Variants in MIB1 observed in about 807,000 individuals in gnomAD.
MIB1 encodes the protein E3 ubiquitin-protein ligase MIB1.
MIB1 carries 278 observed loss-of-function variants against 124.5 expected under a neutral mutation model. That is an observed-to-expected ratio of 2.23 (90% CI 2.02 to 2.47). The LOEUF (loss-of-function observed/expected upper bound fraction) is 2.47, where lower values mean the gene tolerates loss of function less well. Ranked by LOEUF, MIB1 falls within the 30% of genes most tolerant of loss-of-function variation. The pLI is 0.00. For synonymous variants in MIB1, 446 were observed against 429.4 expected (o/e 1.04, Z -0.48); for missense variants, 957 against 1,254.4 (o/e 0.76, Z 3.58).
In MIB1 at chr18:21,844,135, A is replaced by T. The variant is rs1253457482; in HGVS notation, c.2093A>T (p.Asp698Val). 1 of 1,613,994 alleles carries T rather than the reference A, an allele frequency of 6.2e-7. No homozygotes were observed. The highest frequency in any genetic ancestry group is 8.5e-7 in the Non-Finnish European group (1 of 1,180,012). The change falls in exon 15 of 21, where the codon GAT becomes GTT. Residue 698 changes from aspartate (D) to valine (V), a missense_variant. Physicochemically the swap from Asp to Val is radical, Grantham distance 152. Transcript: ENST00000261537. ...GCCAAGCTTGATATTCAGGATAAGG[A>T]TGGGGATACTCCTTTGCATGAAGCT... ...AGAKLDIQDK[D>V]GDTPLHEALR...
intron 20 of MIB1, among the ~76,000 whole-genome samples, chr18:21,859,236 C>T (rs2042253280): frequency 6.6e-6 from 1 of 151,816 alleles, no homozygotes; most frequent in Non-Finnish European, 1.5e-5. Flanking sequence ...ATAGTGAGAC[C>T]GCAACTCTAC....
intron 1 of MIB1, among the ~76,000 whole-genome samples, chr18:21,729,815 T>C (rs1341853306): frequency 6.6e-6 from 1 of 152,140 alleles, no homozygotes; most frequent in African/African-American, 2.4e-5. Flanking sequence ...AAGGCACTAA[T>C]CCCATTGCCC....
At chr18:21,798,312 ATGT>A (rs2146452432) in intron 8 of MIB1, 84 bp downstream of exon 8, 2 of 1,289,300 alleles carry the variant, frequency 1.6e-6, no homozygotes, top group East Asian at 4.7e-5. Context: ...TATACAGATA[ATGT>A]TGTACATGTG....
At position 21,763,554 on chromosome 18, in the gene MIB1, A is replaced by AT. The variant is rs755824837; in HGVS notation, c.230-2211dup. ...TCTATCAATGGAGACCTGGGCTTGTATTTTTTTATTAGATATTCTTATTTT... is the reference window on the plus strand; with the variant it reads ...TCTATCAATGGAGACCTGGGCTTGTATTTTTTTTATTAGATATTCTTATTTT... On this transcript the variant is annotated intron_variant, in intron 1 of 20. Transcript: ENST00000261537. 4.1e-4 allele frequency among the ~76,000 whole-genome samples: 62 copies of AT among 151,922 alleles called. 1 individual carries two copies. Among genetic ancestry groups the AT allele is most frequent in the Non-Finnish European group, 7.4e-4 (50 of 67,922 alleles).
intron 1 of MIB1, among the ~76,000 whole-genome samples, chr18:21,715,696 G>A (rs985582722): frequency 3.3e-5 from 5 of 151,888 alleles, no homozygotes; most frequent in African/African-American, 1.2e-4. Flanking sequence ...AACAATGGAT[G>A]CACTTATAGA....
At chr18:21,850,508 T>G (rs1327523194) in intron 17 of MIB1, among the ~76,000 whole-genome samples, 2 of 152,212 alleles carry the variant, frequency 1.3e-5, no homozygotes, top group Non-Finnish European at 2.9e-5. Context: ...TGCCCCTGCT[T>G]CTTCTACTTT....
intron 6 of MIB1, among the ~76,000 whole-genome samples, chr18:21,784,560 A>G (rs758149435): frequency 1.3e-5 from 2 of 152,220 alleles, no homozygotes; most frequent in Non-Finnish European, 2.9e-5. Context: ...TTGATTATAT[A>G]TGAATATTAT....
At chr18:21,776,457 G>A (rs1169716751) in intron 4 of MIB1, among the ~76,000 whole-genome samples, 1 of 152,006 alleles carries the variant, frequency 6.6e-6, no homozygotes, top group Non-Finnish European at 1.5e-5. Context: ...TCCTTGATAG[G>A]GTAAGATGTT....
At chr18:21,750,245 G>C (rs1405978003) in intron 1 of MIB1, among the ~76,000 whole-genome samples, 3 of 152,006 alleles carry the variant, frequency 2.0e-5, no homozygotes. Context: ...TTCTCCTACT[G>C]GGTGCAAGCG....
intron 10 of MIB1, among the ~76,000 whole-genome samples, chr18:21,808,689 G>C (rs1159964793): frequency 6.6e-6 from 1 of 152,052 alleles, no homozygotes; most frequent in Non-Finnish European, 1.5e-5. Flanking sequence ...ATTACATTCT[G>C]TTTCTTCTTT....
chr18:21,856,732 A>G (rs926794547), intron 18 of MIB1, among the ~76,000 whole-genome samples: 1 of 152,200 alleles, frequency 6.6e-6, no homozygotes, highest in Non-Finnish European at 1.5e-5. Flanking sequence ...TAAAATAAAA[A>G]TAAAGAAATA....
At chr18:21,791,334 G>A (rs2041500474) in intron 6 of MIB1, 40 bp from the exon 7 acceptor site, 1 of 1,516,736 alleles carries the variant, frequency 6.6e-7, no homozygotes, top group Middle Eastern at 1.8e-4. Context: ...TTAAAATTAA[G>A]CAAAGCTACC....
At chr18:21,808,912 T>C (rs1424873382) in intron 10 of MIB1, among the ~76,000 whole-genome samples, 2 of 151,856 alleles carry the variant, frequency 1.3e-5, no homozygotes, top group African/African-American at 4.8e-5. Flanking sequence ...ATAAGGACAT[T>C]TGGGGTAGTT....
intron 17 of MIB1, 97 bp from the exon 18 acceptor site, chr18:21,853,043 T>C (rs2042194919): frequency 1.2e-6 from 1 of 801,608 alleles, no homozygotes. Context: ...CTAGGTGTTT[T>C]CTTACAGAGG....
chr18:21,825,421 C>T (rs1329467641), intron 12 of MIB1: 2 of 295,742 alleles, frequency 6.8e-6, no homozygotes, highest in East Asian at 1.2e-4. Flanking sequence ...TGAAGCATAG[C>T]CTACATTTTA....
rs776715638 is a variant in MIB1, at chr18:21,815,782, T to G, written c.1646T>G (p.Leu549Ter). The G allele has an allele frequency of 1.2e-6, 2 of 1,614,172 alleles. No individual in the cohort carries two copies. Among genetic ancestry groups the G allele is most frequent in the South Asian group, 1.1e-5 (1 of 91,082 alleles). ...GGTCATCTTCAAGTTGTGAAGACTT[T>G]ATTGGACTTTGGCTGTCATCCCAGT... The part of the protein sequence containing the change: ...NKGHLQVVKT[L>*]LDFGCHPSLQ... Residue 549 changes from leucine (L) to a stop codon, truncating the protein, a stop_gained, in exon 11 of 21, where the codon TTA becomes TGA. Coordinates refer to ENST00000261537, the MANE Select transcript of MIB1 (RefSeq NM_020774.4). LOFTEE classifies it high-confidence loss of function.
chr18:21,710,196 C>T (rs756286118), intron 1 of MIB1, among the ~76,000 whole-genome samples: 2 of 151,754 alleles, frequency 1.3e-5, no homozygotes, highest in Non-Finnish European at 2.9e-5. Context: ...TCTTTGCACA[C>T]TGCAACCTCC....
chr18:21,734,491 TCTC>T (rs2040786793), intron 1 of MIB1, among the ~76,000 whole-genome samples: 3 of 151,128 alleles, frequency 2.0e-5, no homozygotes, highest in Admixed American at 6.6e-5. Flanking sequence ...TCTCTCTCTC[TCTC>T]TCTTTCTTTC....
intron 3 of MIB1, among the ~76,000 whole-genome samples, chr18:21,770,713 G>GT (rs1424296167): frequency 2.0e-5 from 3 of 151,870 alleles, no homozygotes; most frequent in East Asian, 1.9e-4. Flanking sequence ...GATCATATTT[G>GT]TTTTTTTGTT....
Sources: gnomAD v4.1 joint callset for allele counts (sites outside exome capture counted in the v4.1 genomes callset) on GRCh38, gnomAD v4.1.1 for gene constraint, MANE v1.5 for transcripts, NCBI Gene and HGNC (gene_info 2026-07-23, HGNC 2026-07-21) for gene names.